Variants in MICAL3 observed in about 807,000 individuals in gnomAD.
MICAL3 encodes [F-actin]-monooxygenase MICAL3.
In MICAL3, 62 loss-of-function variants were observed where a neutral mutation model predicts 207.4. That is an observed-to-expected ratio of 0.30 (90% CI 0.24 to 0.37). MICAL3 has a LOEUF of 0.37. Among genes scored for constraint, MICAL3 ranks in the 10% least tolerant of loss-of-function variants. The pLI is 1.00. For missense variants in MICAL3, 2,368 were observed against 2,635.6 expected (o/e 0.90, Z 2.22); for synonymous variants, 1,077 against 1,069.3 (o/e 1.01, Z -0.14).
At chr22:17,791,389 G>T in intron 29 of MICAL3, 88 bp from the exon 30 acceptor site, 1 of 1,166,374 alleles carries the variant, frequency 8.6e-7, no homozygotes, top group Non-Finnish European at 1.3e-6. Flanking sequence ...TGCAAAGAGG[G>T]CCGAGCAAGA....
At chr22:17,854,901 C>T (rs1350284824) in intron 19 of MICAL3, among the ~76,000 whole-genome samples, 2 of 152,182 alleles carry the variant, frequency 1.3e-5, no homozygotes, top group Non-Finnish European at 2.9e-5. Flanking sequence ...TACAGCAGGA[C>T]GTCTCACTAA....
rs769080900 is a variant in MICAL3 at position 17,842,035 on chromosome 22, A to G, written c.2606-18T>C. ...GCCTGAACCTGCGGGACAAGCACAG[A>G]AGCACTGCACTGAGGTCCAACCACA... On this transcript the variant is annotated intron_variant, in intron 19 of 31. Coordinates refer to ENST00000441493, the MANE Select transcript of MICAL3 (RefSeq NM_015241.3). The G allele has an allele frequency of 1.3e-6, 2 of 1,593,870 alleles. No individual in the cohort carries two copies. The highest frequency in any genetic ancestry group is 1.7e-6 in the Non-Finnish European group (2 of 1,175,678).
chr22:17,897,072 T>C, intron 7 of MICAL3, 91 bp from the exon 8 acceptor site: 2 of 1,423,362 alleles, frequency 1.4e-6, no homozygotes, highest in East Asian at 2.3e-5. Context: ...AGCTTCTTCT[T>C]CCCCCTAAAG....
chr22:17,837,427 T>G (rs902309144), intron 20 of MICAL3, among the ~76,000 whole-genome samples: 4 of 152,246 alleles, frequency 2.6e-5, no homozygotes, highest in African/African-American at 9.6e-5. Context: ...CCCTCCTGAC[T>G]TCTCTCTAGA....
chr22:17,823,007 T>C lies in MICAL3; in HGVS notation c.3247A>G (p.Ile1083Val). The C allele has an allele frequency of 6.2e-7, 1 of 1,613,878 alleles. No homozygotes were observed. Among genetic ancestry groups the C allele is most frequent in the Non-Finnish European group, 8.5e-7 (1 of 1,179,814 alleles). Residue 1083 changes from isoleucine (I) to valine (V), a missense_variant, in exon 23 of 32, where the codon ATA becomes GTA. Transcript: ENST00000441493. ...EEDVDSEPAE[I>V]EGEAAEDGDP... The stretch of plus-strand genomic sequence containing the variant: ...CCATCCTCTGCTGCCTCCCCTTCTA[T>C]CTCGGCTGGTTCTGAGTCCACATCT...
At chr22:17,989,233 C>G (rs1921388980) in intron 1 of MICAL3, among the ~76,000 whole-genome samples, 1 of 152,134 alleles carries the variant, frequency 6.6e-6, no homozygotes, top group African/African-American at 2.4e-5. Context: ...TCAGGAAGCC[C>G]TTCCTGCCTT....
At chr22:17,886,943 G>T (rs9618157) in intron 15 of MICAL3, among the ~76,000 whole-genome samples, 1 of 134,968 alleles carries the variant, frequency 7.4e-6, no homozygotes, top group East Asian at 2.3e-4. Flanking sequence ...AGCCCAGATC[G>T]TGCCACTATA....
At chr22:17,874,704 C>T (rs779562517) in intron 16 of MICAL3, among the ~76,000 whole-genome samples, 25 of 152,216 alleles carry the variant, frequency 1.6e-4, no homozygotes, top group Non-Finnish European at 3.1e-4. Context: ...GGGATCGATC[C>T]CACCGCACAC....
At chr22:18,001,798 T>G (rs550762732) in intron 1 of MICAL3, among the ~76,000 whole-genome samples, 1 of 152,320 alleles carries the variant, frequency 6.6e-6, no homozygotes, top group South Asian at 2.1e-4. Flanking sequence ...AAGAACTGAT[T>G]GGTTGGGAAT....
At chr22:17,893,747 A>C in intron 11 of MICAL3, 61 bp downstream of exon 11, 3 of 1,192,158 alleles carry the variant, frequency 2.5e-6, no homozygotes, top group Non-Finnish European at 3.7e-6. Flanking sequence ...GGCTCAGGGA[A>C]TGAGTATAGA....
At chr22:17,833,068 A>C (rs1359878463) in intron 20 of MICAL3, among the ~76,000 whole-genome samples, 1 of 152,168 alleles carries the variant, frequency 6.6e-6, no homozygotes, top group East Asian at 1.9e-4. Flanking sequence ...CACACCTGTA[A>C]GAATGCACAT....
chr22:18,002,879 G>A (rs9618181), intron 1 of MICAL3, among the ~76,000 whole-genome samples: 4 of 152,052 alleles, frequency 2.6e-5, no homozygotes, highest in African/African-American at 7.2e-5. Context: ...ACTTTAGGCT[G>A]GGCGCGGTGG....
chr22:17,919,580 A>C (rs1216128549), intron 1 of MICAL3, among the ~76,000 whole-genome samples: 1 of 152,272 alleles, frequency 6.6e-6, no homozygotes, highest in Non-Finnish European at 1.5e-5. Flanking sequence ...GTATCAAATG[A>C]AAATGAACTG....
intron 19 of MICAL3, among the ~76,000 whole-genome samples, chr22:17,857,611 A>G (rs1443446267): frequency 1.3e-5 from 2 of 152,230 alleles, no homozygotes; most frequent in African/African-American, 4.8e-5. Context: ...AAGCACAAAG[A>G]GCTGGGTAAG....
chr22:17,906,931 A>G (rs1931764829), intron 1 of MICAL3, 45 bp from the exon 2 acceptor site: 1 of 1,015,792 alleles, frequency 9.8e-7, no homozygotes, highest in Non-Finnish European at 1.5e-6. Context: ...CTCTGTCTAC[A>G]AACATTCTCC....
At position 17,902,869 on chromosome 22, in the gene MICAL3, T is replaced by C. The variant is rs189722590; in HGVS notation, c.473-122A>G. The stretch of plus-strand genomic sequence containing the variant: ...CTTCATTCAGATTCCCAAAGCCTGC[T>C]GTAGCAGGAGACCTTCCAAAGCCAC... On this transcript the variant is annotated intron_variant, in intron 3 of 31. Transcript: ENST00000441493. This position sits in a 1 kb window ranked among gnomAD's most constrained non-coding sequence, Gnocchi z 4.5. The C allele has an allele frequency of 4.1e-4, 253 of 624,530 alleles. No individual in the cohort carries two copies. The Admixed American group carries it at 6.1e-3, about 15-fold the overall frequency. The allele number at this position is 624,530 out of a possible 1,614,324, so 38.7% of individuals were successfully genotyped here. A position where few individuals can be genotyped will look rare whatever the true frequency, so the allele number is the denominator to read the frequency against.
chr22:17,980,011 T>C (rs914694299), intron 1 of MICAL3, among the ~76,000 whole-genome samples: 3 of 152,110 alleles, frequency 2.0e-5, no homozygotes, highest in East Asian at 1.9e-4. Flanking sequence ...TAATTTTGTA[T>C]AGAAAAGGGG....
intron 3 of MICAL3, among the ~76,000 whole-genome samples, chr22:17,904,032 C>CG (rs1172507329): frequency 6.6e-6 from 1 of 152,200 alleles, no homozygotes. Context: ...AGCAAAGGCC[C>CG]GGGCTGAGCT....
chr22:17,845,425 T>C (rs925594104), intron 19 of MICAL3, among the ~76,000 whole-genome samples: 1 of 152,166 alleles, frequency 6.6e-6, no homozygotes, highest in African/African-American at 2.4e-5. Context: ...AGAGCTTCAG[T>C]AGCACCTGGG....
Sources: allele counts gnomAD v4.1 joint callset (sites outside exome capture counted in the v4.1 genomes callset), GRCh38; gene constraint gnomAD v4.1.1; non-coding constraint Gnocchi (gnomAD v3.1); transcripts MANE v1.5; gene names NCBI Gene and HGNC (gene_info 2026-07-23, HGNC 2026-07-21).